PDZD11: variants seen among roughly 807,000 people sequenced by gnomAD.
PDZD11 encodes the protein PDZ domain-containing protein 11.
In PDZD11, 2 loss-of-function variants were observed where a neutral mutation model predicts 13.7. That is an observed-to-expected ratio of 0.15 (90% CI 0.06 to 0.46). The LOEUF is 0.46. PDZD11 is among the 20% of genes least tolerant of loss of function. The probability of loss-of-function intolerance (pLI) is 0.98; values close to 1 mark genes in which losing one functional copy is unlikely to be tolerated. For missense variants in PDZD11, 44 were observed against 111.7 expected (o/e 0.39, Z 2.73); for synonymous variants, 32 against 37.5 (o/e 0.85, Z 0.54).
Position 70,288,490 on chromosome X carries a change from G to A in PDZD11, c.111C>T (p.Asn37=). 1 of 1,210,968 alleles carries A rather than the reference G, an allele frequency of 8.3e-7. No individual in the cohort carries two copies. Among genetic ancestry groups the A allele is most frequent in the Non-Finnish European group, 1.1e-6 (1 of 894,845 alleles). Residue 37 remains asparagine, a synonymous_variant, in exon 3 of 7, where the codon AAC becomes AAT. Transcript: ENST00000239666. ...GGGGCAGAAACTGGGTCAACTCATT[G>A]TTGTAGTCCGGGTGGTGTACCCTCT... ...PHERVHHPDY[N]NELTQFLPRT...
chrX:70,287,944 G>A (rs2085729948), intron 4 of PDZD11, 114 bp from the exon 5 acceptor site: 4 of 725,529 alleles, frequency 5.5e-6, no homozygotes, highest in Non-Finnish European at 8.5e-6. Flanking sequence ...GACAATGTAT[G>A]CAGACAGATG....
chrX:70,287,296 C>T lies in PDZD11; in HGVS notation c.368G>A (p.Arg123His), dbSNP rs754403536. ...CTTACTGTAGGGAAAGAAGCGCACACGCATGCTGATTTCACGAGCTGTCTT... is the reference window on the plus strand; with the variant it reads ...CTTACTGTAGGGAAAGAAGCGCACATGCATGCTGATTTCACGAGCTGTCTT... ...ILKTAREISM[R>H]VRFFPYNYHR... Residue 123 changes from arginine to histidine, a missense_variant, in exon 6 of 7, where the codon CGT (arginine) becomes CAT (histidine). By Grantham distance (29) the Arg-to-His change is conservative. Coordinates refer to ENST00000239666, the MANE Select transcript of PDZD11 (RefSeq NM_016484.5). The T allele has an allele frequency of 6.6e-6, 8 of 1,206,819 alleles. No homozygotes were observed. In the Admixed American group the frequency reaches 1.3e-4, roughly 20 times the overall value.
intron 5 of PDZD11, 142 bp downstream of exon 5, chrX:70,287,590 C>T (rs190805228): frequency 0.011 from 5,687 of 519,130 alleles, 38 homozygotes; most frequent in Non-Finnish European, 0.014. Flanking sequence ...GCCTCAGCCT[C>T]CTAAGTAGCT....
At chrX:70,287,492 T>TTTTG (rs200559348) in intron 5 of PDZD11, among the ~76,000 whole-genome samples, 156 bp from the exon 6 acceptor site, 1,579 of 110,863 alleles carry the variant, frequency 0.014, 27 homozygotes, top group African/African-American at 0.049. Flanking sequence ...CTCTCTCTCT[T>TTTTG]TTTGTTTGTT....
chrX:70,288,293 G>A, intron 3 of PDZD11, 120 bp from the exon 4 acceptor site: 1 of 841,866 alleles, frequency 1.2e-6, no homozygotes, highest in Non-Finnish European at 1.7e-6. Flanking sequence ...AGAAGTTGCA[G>A]AAGTGTTATC....
intron 1 of PDZD11, 115 bp from the exon 2 acceptor site, chrX:70,289,469 T>C: frequency 9.1e-7 from 1 of 1,103,940 alleles, no homozygotes; most frequent in Non-Finnish European, 1.2e-6. Context: ...GCCCAGCCCA[T>C]ATCTAGGTGT....
At chrX:70,289,230 A>G in intron 2 of PDZD11, 25 bp downstream of exon 2, 1 of 1,166,632 alleles carries the variant, frequency 8.6e-7, no homozygotes, top group South Asian at 1.9e-5. Context: ...AAAATCTCCT[A>G]CTCAGGAATA....
chrX:70,287,134 A>G lies in PDZD11; in HGVS notation c.389-18T>C. On this transcript the variant is annotated intron_variant, in intron 6 of 6. Transcript: ENST00000239666. Reference sequence around the variant, plus strand: ...ATGATAATCTGAAGGAAAGAAGAAGAAAAGGAGGAACAGAGCAGGTTATCT... The same window carrying G: ...ATGATAATCTGAAGGAAAGAAGAAGGAAAGGAGGAACAGAGCAGGTTATCT... 1.7e-6 allele frequency: 2 copies of G among 1,196,473 alleles called. No homozygotes were observed. Among genetic ancestry groups the G allele is most frequent in the Non-Finnish European group, 2.3e-6 (2 of 886,215 alleles).
rs2085720681 is a variant in PDZD11, at chrX:70,286,742, C to G, written c.*340G>C. On this transcript the variant is annotated 3_prime_UTR_variant, in exon 7 of 7. Coordinates refer to ENST00000239666, the MANE Select transcript of PDZD11 (RefSeq NM_016484.5). ...TGGCCAGGGAAGTCAGATGGAAAAT[C>G]CCCAAGATTCTTTTTGCTACTGATT... 5.1e-6 allele frequency: 1 copy of G among 195,295 alleles called. No individual in the cohort carries two copies. The highest frequency in any genetic ancestry group is 6.9e-5 in the Admixed American group (1 of 14,579). The allele number at this position is 195,295 out of a possible 1,213,427, so 16.1% of individuals were successfully genotyped here.
chrX:70,288,464 C>T lies in PDZD11; in HGVS notation c.137G>A (p.Arg46Gln). ...AGGAGGCTTCTTCAGTGTGATGGTT[C>T]GGGGCAGAAACTGGGTCAACTCATT... ...YNNELTQFLP[R>Q]TITLKKPPGA... Residue 46 changes from arginine (R) to glutamine (Q), a missense_variant, in exon 3 of 7, where the codon CGA becomes CAA. Physicochemically the swap from Arg to Gln is conservative, Grantham distance 43 (BLOSUM62 1). Transcript: ENST00000239666. The T allele has an allele frequency of 8.3e-7, 1 of 1,210,944 alleles. No individual in the cohort carries two copies. Among genetic ancestry groups the T allele is most frequent in the Non-Finnish European group, 1.1e-6 (1 of 894,937 alleles).
chrX:70,287,136 A>AAGGAGG lies in PDZD11; in HGVS notation c.389-26_389-21dup. The AAGGAGG allele has an allele frequency of 8.4e-7, 1 of 1,195,224 alleles. No homozygotes were observed. The highest frequency in any genetic ancestry group is 1.1e-6 in the Non-Finnish European group (1 of 885,223). ...GATAATCTGAAGGAAAGAAGAAGAA[A>AAGGAGG]AGGAGGAACAGAGCAGGTTATCTTC... On this transcript the variant is annotated intron_variant, in intron 6 of 6. Coordinates refer to ENST00000239666, the MANE Select transcript of PDZD11 (RefSeq NM_016484.5).
chrX:70,287,065 C>T lies in PDZD11; in HGVS notation c.*17G>A. ...GTCATGACAGAGTCCACATGAAGGGCTGTGGGCTGCAACTTTCTAGTGCAC... is the reference window on the plus strand; with the variant it reads ...GTCATGACAGAGTCCACATGAAGGGTTGTGGGCTGCAACTTTCTAGTGCAC... On this transcript the variant is annotated 3_prime_UTR_variant, in exon 7 of 7. Coordinates refer to ENST00000239666, the MANE Select transcript of PDZD11 (RefSeq NM_016484.5). 1 of 1,187,414 alleles carries T rather than the reference C, an allele frequency of 8.4e-7. No individual in the cohort carries two copies. The highest frequency in any genetic ancestry group is 1.8e-5 in the South Asian group (1 of 54,157).
chrX:70,288,004 C>A (rs1017157081), intron 4 of PDZD11, 113 bp downstream of exon 4: 24 of 742,951 alleles, frequency 3.2e-5, no homozygotes, highest in Non-Finnish European at 4.1e-5. Flanking sequence ...CTCCATTATA[C>A]CCCTTCTATG....
Position 70,286,981 on chromosome X carries a change from C to A in PDZD11, c.*101G>T. ...GTTAGCTGTCTCCCCATCCTCCCAA[C>A]TCACTATTCCAGGGAGGGGCTGAAA... is the stretch of plus-strand genomic sequence containing the variant. On this transcript the variant is annotated 3_prime_UTR_variant, in exon 7 of 7. Coordinates refer to ENST00000239666, the MANE Select transcript of PDZD11 (RefSeq NM_016484.5). 2.7e-6 allele frequency: 2 copies of A among 741,037 alleles called. No individual in the cohort carries two copies. Among genetic ancestry groups the A allele is most frequent in the East Asian group, 6.9e-5 (2 of 28,781 alleles). 61.1% of individuals were successfully genotyped at this position (741,037 alleles called of 1,213,427 possible). A position where few individuals can be genotyped will look rare whatever the true frequency, so the allele number is the denominator to read the frequency against.
chrX:70,287,630 G>A, intron 5 of PDZD11, 102 bp downstream of exon 5: 1 of 653,260 alleles, frequency 1.5e-6, no homozygotes, highest in Non-Finnish European at 2.5e-6. Context: ...ACAGTGCCCA[G>A]CAAAATGCTT....
chrX:70,288,505 G>T lies in PDZD11; in HGVS notation c.96C>A (p.His32Gln), dbSNP rs1419687353. Residue 32 changes from histidine (H) to glutamine (Q), a missense_variant, in exon 3 of 7, where the codon CAC (histidine) becomes CAA (glutamine). Transcript: ENST00000239666. ...TCAACTCATTGTTGTAGTCCGGGTG[G>T]TGTACCCTCTGCAAGACACAGCAAC... ...PAWIPPHERV[H>Q]HPDYNNELTQ... 1.7e-6 allele frequency: 2 copies of T among 1,207,523 alleles called. No individual in the cohort carries two copies. Among genetic ancestry groups the T allele is most frequent in the Non-Finnish European group, 2.2e-6 (2 of 893,387 alleles).
At chrX:70,287,460 TC>T in intron 5 of PDZD11, 124 bp from the exon 6 acceptor site, 1 of 571,630 alleles carries the variant, frequency 1.7e-6, no homozygotes, top group African/African-American at 2.3e-5. Flanking sequence ...TCCTGTACTT[TC>T]CCAGGAGAGG....
rs973199116 is a variant in PDZD11 at position 70,286,970 on chromosome X, C to G, written c.*112G>C. The G allele has an allele frequency of 6.0e-6, 4 of 661,707 alleles. No individual in the cohort carries two copies. The African/African-American group carries it at 6.7e-5, about 11-fold the overall frequency. 54.5% of individuals were successfully genotyped at this position (661,707 alleles called of 1,213,427 possible). On this transcript the variant is annotated 3_prime_UTR_variant, in exon 7 of 7. Transcript: ENST00000239666. ...TAATGCAGTTGGTTAGCTGTCTCCC[C>G]ATCCTCCCAACTCACTATTCCAGGG...
rs2085722452 is a variant in PDZD11, at chrX:70,287,010, G to C, written c.*72C>G. On this transcript the variant is annotated 3_prime_UTR_variant, in exon 7 of 7. Transcript: ENST00000239666. ...CTATTCCAGGGAGGGGCTGAAAACA[G>C]AAGTGGCTCCCCTGAAGTCTAGTTA... The C allele has an allele frequency of 1.0e-6, 1 of 985,692 alleles. No individual in the cohort carries two copies. The allele number at this position is 985,692 out of a possible 1,213,427, so 81.2% of individuals were successfully genotyped here.
Sources: allele counts gnomAD v4.1 joint callset (sites outside exome capture counted in the v4.1 genomes callset), GRCh38; gene constraint gnomAD v4.1.1; transcripts MANE v1.5; gene names NCBI Gene and HGNC (gene_info 2026-07-23, HGNC 2026-07-21).